ANK2: variants seen among roughly 807,000 people sequenced by gnomAD.
ANK2 encodes ankyrin-2.
ANK2 carries 83 observed loss-of-function variants against 360.5 expected under a neutral mutation model. That is an observed-to-expected ratio of 0.23 (90% CI 0.19 to 0.28). The LOEUF is 0.28. ANK2 is among the 10% of genes least tolerant of loss of function. The probability of loss-of-function intolerance (pLI) is 1.00; values close to 1 mark genes in which losing one functional copy is unlikely to be tolerated. For synonymous variants in ANK2, 1,740 were observed against 1,759.5 expected, an observed-to-expected ratio of 0.99 and a Z score of 0.28; for missense variants, 4,201 against 4,795.7, an observed-to-expected ratio of 0.88 and a Z score of 3.66.
At chr4:113,104,925 T>C (rs1022531105) in intron 1 of ANK2, among the ~76,000 whole-genome samples, 1 of 152,032 alleles carries the variant, frequency 6.6e-6, no homozygotes, top group Non-Finnish European at 1.5e-5. Context: ...TATCTAGTTA[T>C]GGACAGTGAG....
intron 30 of ANK2, chr4:113,336,292 TAAAA>T (rs11355670): frequency 6.9e-5 from 35 of 504,120 alleles, no homozygotes; most frequent in East Asian, 4.6e-4. Context: ...TTTCTTCTTG[TAAAA>T]AAAAAAAAAA....
intron 1 of ANK2, among the ~76,000 whole-genome samples, chr4:112,840,926 T>G (rs2149798385): frequency 6.6e-6 from 1 of 151,944 alleles, no homozygotes; most frequent in Admixed American, 6.5e-5. Context: ...ACAGTGGGGG[T>G]TTAAACTCAC....
intron 2 of ANK2, among the ~76,000 whole-genome samples, chr4:112,940,091 G>A (rs1467471015): frequency 1.3e-5 from 2 of 152,056 alleles, no homozygotes; most frequent in Non-Finnish European, 2.9e-5. Flanking sequence ...CAGTATGTTG[G>A]TTGACAGTTT....
chr4:113,149,642 A>C (rs1355815758), intron 1 of ANK2, among the ~76,000 whole-genome samples: 1 of 151,998 alleles, frequency 6.6e-6, no homozygotes, highest in East Asian at 1.9e-4. Flanking sequence ...TGGGAGGCCG[A>C]GGCAGGCAGA....
intron 15 of ANK2, among the ~76,000 whole-genome samples, chr4:113,275,116 T>C (rs1411822451): frequency 6.6e-6 from 1 of 152,218 alleles, no homozygotes; most frequent in East Asian, 1.9e-4. Flanking sequence ...CCACCACTTA[T>C]TTGACATTCT....
intron 26 of ANK2, among the ~76,000 whole-genome samples, chr4:113,326,407 A>G (rs573659327): frequency 2.0e-5 from 3 of 152,290 alleles, no homozygotes; most frequent in South Asian, 2.1e-4. Flanking sequence ...TTATTATGCA[A>G]TTCTGTAAAT....
chr4:113,290,947 G>A (rs1406865110), intron 20 of ANK2, among the ~76,000 whole-genome samples: 1 of 152,250 alleles, frequency 6.6e-6, no homozygotes, highest in East Asian at 1.9e-4. Context: ...ATCCTCACTG[G>A]GGATTTCAGG....
At chr4:113,238,171 T>C (rs977001176) in intron 7 of ANK2, among the ~76,000 whole-genome samples, 3 of 152,192 alleles carry the variant, frequency 2.0e-5, no homozygotes, top group African/African-American at 7.2e-5. Context: ...ATTTTCCACA[T>C]TCCAAAGTAA....
chr4:112,731,372 A>G, the ANK2 span, among the ~76,000 whole-genome samples: 2 of 152,118 alleles, frequency 1.3e-5, no homozygotes, highest in Non-Finnish European at 2.9e-5. Context: ...TTCACAGTAT[A>G]CACATATATC....
chr4:113,377,855 T>C (rs1003079640), intron 45 of ANK2, among the ~76,000 whole-genome samples: 1 of 152,172 alleles, frequency 6.6e-6, no homozygotes, highest in Non-Finnish European at 1.5e-5. Flanking sequence ...TCAATCCATA[T>C]GGATGTTGCT....
the ANK2 span, among the ~76,000 whole-genome samples, chr4:112,757,530 A>C: frequency 6.6e-6 from 1 of 152,232 alleles, no homozygotes; most frequent in Admixed American, 6.5e-5. Context: ...AATTTATTTG[A>C]TCTCATAAGA....
intron 4 of ANK2, among the ~76,000 whole-genome samples, chr4:113,202,420 T>C (rs530543464): frequency 1.3e-5 from 2 of 152,314 alleles, no homozygotes; most frequent in Admixed American, 1.3e-4. Flanking sequence ...AAAAAGGACG[T>C]AGGGAATCCT....
chr4:113,134,393 C>T (rs560440678), intron 1 of ANK2, among the ~76,000 whole-genome samples: 44 of 138,454 alleles, frequency 3.2e-4, no homozygotes, highest in African/African-American at 5.2e-4. Context: ...ACAACAAATA[C>T]GAAAAGTTGG....
chr4:113,191,827 T>C (rs1374342532), intron 2 of ANK2, among the ~76,000 whole-genome samples: 1 of 152,188 alleles, frequency 6.6e-6, no homozygotes, highest in East Asian at 1.9e-4. Flanking sequence ...TCCTATTGTT[T>C]AGGACTGGAG....
Position 113,236,909 on chromosome 4 carries a change from T to G in ANK2, c.484-78T>G, listed in dbSNP as rs898464686. ...GTTGTCAATCTTGATCATTAAAGAT[T>G]AGAGGCATCATTGCTTAGAACTAAA... On this transcript the variant is annotated intron_variant, in intron 5 of 45. Coordinates refer to ENST00000357077, the MANE Select transcript of ANK2 (RefSeq NM_001148.6). 7.2e-6 allele frequency: 10 copies of G among 1,394,868 alleles called. No homozygotes were observed. The African/African-American group carries it at 1.4e-4, about 20-fold the overall frequency. 86.4% of individuals were successfully genotyped at this position (1,394,868 alleles called of 1,614,324 possible).
At chr4:113,284,074 A>T (rs1276578850) in intron 18 of ANK2, among the ~76,000 whole-genome samples, 2 of 152,172 alleles carry the variant, frequency 1.3e-5, no homozygotes, top group Non-Finnish European at 2.9e-5. Context: ...GTCCCCACAA[A>T]TCCTTTTTTA....
At chr4:113,315,896 C>CAA (rs70961811) in intron 24 of ANK2, among the ~76,000 whole-genome samples, 381 of 48,626 alleles carry the variant, frequency 7.8e-3, no homozygotes, top group Non-Finnish European at 0.011. Context: ...GACTCCGTCT[C>CAA]AAAAAAAAAA....
chr4:113,230,062 TG>T (rs2099273208), intron 4 of ANK2, among the ~76,000 whole-genome samples: 1 of 152,204 alleles, frequency 6.6e-6, no homozygotes, highest in African/African-American at 2.4e-5. Context: ...ACCTCTTCAG[TG>T]TTCTTAAAAT....
intron 1 of ANK2, among the ~76,000 whole-genome samples, chr4:113,134,878 C>G (rs1443941940): frequency 6.6e-6 from 1 of 152,106 alleles, no homozygotes; most frequent in African/African-American, 2.4e-5. Flanking sequence ...GAAGTCAGAT[C>G]AATTTTATGA....
Sources: gnomAD v4.1 joint callset for allele counts (sites outside exome capture counted in the v4.1 genomes callset) on GRCh38, gnomAD v4.1.1 for gene constraint, MANE v1.5 for transcripts, NCBI Gene and HGNC (gene_info 2026-07-23, HGNC 2026-07-21) for gene names.